Variants in DISC1 observed in about 807,000 individuals in gnomAD.
DISC1 encodes disrupted in schizophrenia 1 protein.
In DISC1, 57 loss-of-function variants were observed where a neutral mutation model predicts 84.5. The ratio of observed to expected loss-of-function variants is 0.67; its 90% CI spans 0.55 to 0.84. The LOEUF (loss-of-function observed/expected upper bound fraction) is 0.84. Among genes scored for constraint, DISC1 ranks in the 40% least tolerant of loss-of-function variants. The pLI is 0.00. For synonymous variants in DISC1, 411 were observed against 415.2 expected, an observed-to-expected ratio of 0.99 and a Z score of 0.12; for missense variants, 1,000 against 1,057.8, an observed-to-expected ratio of 0.95 and a Z score of 0.76.
chr1:231,697,513 C>G (rs886158425), intron 2 of DISC1, among the ~76,000 whole-genome samples: 1 of 151,978 alleles, frequency 6.6e-6, no homozygotes, highest in African/African-American at 2.4e-5. Flanking sequence ...GATCATAACT[C>G]ACTGCAACCT....
rs367975005 is a variant in DISC1 at position 231,658,549 on chromosome 1, T to C, written c.67+31615T>C. ...GAGTGGCGAGAGAGGACATCTTGTT[T>C]TGGGCTGTTTTTCAAGGGGAATGCT... On this transcript the variant is annotated intron_variant, in intron 1 of 12. Coordinates refer to ENST00000439617, the MANE Select transcript of DISC1 (RefSeq NM_018662.3). Among the ~76,000 whole-genome samples, 6 of 152,300 alleles carry C rather than the reference T, an allele frequency of 3.9e-5. No homozygotes were observed. In the East Asian group the frequency reaches 1.2e-3, roughly 29 times the overall value.
At chr1:231,818,623 G>C (rs913876968) in intron 9 of DISC1, 106 bp downstream of exon 9, 1 of 1,527,142 alleles carries the variant, frequency 6.5e-7, no homozygotes, top group Non-Finnish European at 8.8e-7. Context: ...TGTGAAGAGC[G>C]TCATGGAGCA....
intron 3 of DISC1, among the ~76,000 whole-genome samples, chr1:231,711,311 A>AT (rs533262191): frequency 4.5e-4 from 63 of 138,616 alleles, no homozygotes; most frequent in East Asian, 2.6e-3. Flanking sequence ...ATTAGAATTG[A>AT]TTTTTTTTTT....
chr1:231,661,611 C>A (rs2125374936), intron 1 of DISC1, among the ~76,000 whole-genome samples: 1 of 152,330 alleles, frequency 6.6e-6, no homozygotes, highest in South Asian at 2.1e-4. Flanking sequence ...TTATGTTCCT[C>A]TCTAAACTGG....
At chr1:232,013,135 AT>A (rs1319461600) in intron 11 of DISC1, among the ~76,000 whole-genome samples, 2 of 151,880 alleles carry the variant, frequency 1.3e-5, no homozygotes, top group Non-Finnish European at 2.9e-5. Flanking sequence ...TACCTGCGTA[AT>A]TTTTTTCTTT....
At chr1:231,983,138 G>A (rs1261907316) in intron 10 of DISC1, among the ~76,000 whole-genome samples, 4 of 152,068 alleles carry the variant, frequency 2.6e-5, no homozygotes, top group African/African-American at 9.7e-5. Context: ...TCATGCTGCA[G>A]CAGTGTAACC....
In DISC1 at chr1:232,009,620, A is replaced by G. The variant is rs1667852024; in HGVS notation, c.2307+571A>G. ...ACACAACTAAAGTTTGGCCTGAGATATATGTATTACAAATTAAAATATGGT... is the reference window on the plus strand; with the variant it reads ...ACACAACTAAAGTTTGGCCTGAGATGTATGTATTACAAATTAAAATATGGT... On this transcript the variant is annotated intron_variant, in intron 11 of 12. Coordinates refer to ENST00000439617, the MANE Select transcript of DISC1 (RefSeq NM_018662.3). This position sits in a 1 kb window ranked among gnomAD's most constrained non-coding sequence, Gnocchi z 4.6. 2 of 891,300 alleles carry G rather than the reference A, an allele frequency of 2.2e-6. No homozygotes were observed. Among genetic ancestry groups the G allele is most frequent in the South Asian group, 1.0e-4 (2 of 19,198 alleles). 55.2% of individuals were successfully genotyped at this position (891,300 alleles called of 1,614,324 possible). A position where few individuals can be genotyped will look rare whatever the true frequency, so the allele number is the denominator to read the frequency against.
intron 10 of DISC1, among the ~76,000 whole-genome samples, chr1:231,967,915 A>G (rs2102801737): frequency 6.6e-6 from 1 of 152,360 alleles, no homozygotes; most frequent in South Asian, 2.1e-4. Context: ...AAAAGGAAGG[A>G]AAACAAAGGT....
At chr1:231,748,741 C>T (rs2074283339) in intron 3 of DISC1, among the ~76,000 whole-genome samples, 1 of 152,128 alleles carries the variant, frequency 6.6e-6, no homozygotes, top group Admixed American at 6.6e-5. Flanking sequence ...TAATGTTAAC[C>T]TTGTAGAATG....
At chr1:231,942,310 C>A (rs972786902) in intron 9 of DISC1, among the ~76,000 whole-genome samples, 1 of 152,168 alleles carries the variant, frequency 6.6e-6, no homozygotes, top group Non-Finnish European at 1.5e-5. Flanking sequence ...GTCATAGTTT[C>A]CATCAGAGCT....
intron 1 of DISC1, among the ~76,000 whole-genome samples, chr1:231,635,903 AAG>A (rs2059154020): frequency 6.6e-6 from 1 of 152,222 alleles, no homozygotes; most frequent in Non-Finnish European, 1.5e-5. Context: ...CCGTGGAAAA[AAG>A]AGAATTCATT....
chr1:231,645,082 C>G (rs1319564912), intron 1 of DISC1, among the ~76,000 whole-genome samples: 1 of 152,062 alleles, frequency 6.6e-6, no homozygotes, highest in African/African-American at 2.4e-5. Flanking sequence ...CATTTCTGCT[C>G]AAAACTCTAT....
rs534530633 is a variant in DISC1, at chr1:232,038,598, T to C, written c.*1767T>C. ...TCGTGAATTTTTTTCATGTAACTCC[T>C]ATTCATATCCCATAGATCTAGTATT... On this transcript the variant is annotated 3_prime_UTR_variant, in exon 13 of 13. Transcript: ENST00000439617. 1 of 152,272 alleles carries C rather than the reference T, an allele frequency of 6.6e-6. No individual in the cohort carries two copies. The highest frequency in any genetic ancestry group is 2.4e-5 in the African/African-American group (1 of 41,554). The allele number at this position is 152,272 out of a possible 1,614,324, so 9.4% of individuals were successfully genotyped here.
At chr1:231,714,686 CAG>C (rs1457566453) in intron 3 of DISC1, among the ~76,000 whole-genome samples, 2 of 148,342 alleles carry the variant, frequency 1.3e-5, no homozygotes, top group Admixed American at 6.7e-5. Flanking sequence ...AGAAGAGAGA[CAG>C]AAAGAGAGAG....
Position 231,827,277 on chromosome 1 carries a change from C to T in DISC1, c.1981+8760C>T, listed in dbSNP as rs542857255. 4.6e-5 allele frequency among the ~76,000 whole-genome samples: 7 copies of T among 152,156 alleles called. No homozygotes were observed. The South Asian group carries it at 1.0e-3, about 23-fold the overall frequency. On this transcript the variant is annotated intron_variant, in intron 9 of 12. Coordinates refer to ENST00000439617, the MANE Select transcript of DISC1 (RefSeq NM_018662.3). ...CTGGGATTACAGGCATGAGCCACTG[C>T]GCCCAGCATAAATAAAAAAAATTTA...
intron 9 of DISC1, among the ~76,000 whole-genome samples, chr1:231,874,303 G>A (rs990886909): frequency 7.3e-5 from 11 of 150,364 alleles, no homozygotes; most frequent in Admixed American, 2.6e-4. Context: ...GACTACAGGC[G>A]CACACCACCA....
At chr1:232,004,312 G>T (rs1023684210) in intron 10 of DISC1, among the ~76,000 whole-genome samples, 2 of 151,932 alleles carry the variant, frequency 1.3e-5, no homozygotes, top group African/African-American at 4.8e-5. Context: ...GGAGTAATAA[G>T]ATAGCAAACC....
At chr1:231,961,915 T>C (rs1224958850) in intron 10 of DISC1, among the ~76,000 whole-genome samples, 1 of 152,196 alleles carries the variant, frequency 6.6e-6, no homozygotes, top group African/African-American at 2.4e-5. Context: ...ATTGCTGGGT[T>C]GAATGGCAGT....
intron 9 of DISC1, among the ~76,000 whole-genome samples, chr1:231,864,312 A>G (rs1333730838): frequency 6.6e-6 from 1 of 152,150 alleles, no homozygotes; most frequent in African/African-American, 2.4e-5. Context: ...TCATTCAGTT[A>G]TAAGAGGCTC....
Sources: gnomAD v4.1 joint callset for allele counts (sites outside exome capture counted in the v4.1 genomes callset) on GRCh38, gnomAD v4.1.1 for gene constraint, Gnocchi (gnomAD v3.1) non-coding constraint, MANE v1.5 for transcripts, NCBI Gene and HGNC (gene_info 2026-07-23, HGNC 2026-07-21) for gene names.